Variants in FLVCR2 observed in about 807,000 individuals in gnomAD.
FLVCR2 encodes choline/ethanolamine transporter FLVCR2.
FLVCR2 carries 38 observed loss-of-function variants against 48.9 expected under a neutral mutation model. The ratio of observed to expected loss-of-function variants is 0.78; its 90% CI spans 0.60 to 1.02. The LOEUF (loss-of-function observed/expected upper bound fraction) is 1.02, where lower values mean the gene tolerates loss of function less well. Among genes scored for constraint, FLVCR2 ranks in the 50% least tolerant of loss-of-function variants. The pLI is 0.00. For synonymous variants in FLVCR2, 255 were observed against 257.0 expected (o/e 0.99, Z 0.07); for missense variants, 664 against 663.3 (o/e 1.00, Z -0.01).
chr14:75,629,813 A>T (rs1406611487), intron 3 of FLVCR2, among the ~76,000 whole-genome samples: 1 of 152,222 alleles, frequency 6.6e-6, no homozygotes, highest in Non-Finnish European at 1.5e-5. Flanking sequence ...AAGATTATTC[A>T]TGCTTCTGAA....
intron 3 of FLVCR2, among the ~76,000 whole-genome samples, chr14:75,627,434 C>A (rs1310095010): frequency 1.3e-5 from 2 of 152,168 alleles, no homozygotes; most frequent in African/African-American, 4.8e-5. Flanking sequence ...CAACAGTGGG[C>A]CTTGTGTTTT....
rs540336847 is a variant in FLVCR2 at position 75,603,358 on chromosome 14, G to T, written c.670-18721G>T. Among the ~76,000 whole-genome samples, 3 of 152,324 alleles carry T rather than the reference G, an allele frequency of 2.0e-5. No homozygotes were observed. The East Asian group carries it at 5.8e-4, about 29-fold the overall frequency. On this transcript the variant is annotated intron_variant, in intron 1 of 9. Coordinates refer to ENST00000238667, the MANE Select transcript of FLVCR2 (RefSeq NM_017791.3). ...GGAGAAGCATTAGCCAGACATCAGA[G>T]AGAAGCAGGTTTACTTTAGAGAGAC... is the stretch of plus-strand genomic sequence containing the variant.
chr14:75,622,293 C>A lies in FLVCR2; in HGVS notation c.811+73C>A, dbSNP rs531272660. 3.9e-5 allele frequency: 55 copies of A among 1,395,988 alleles called. No individual in the cohort carries two copies. The African/African-American group carries it at 7.5e-4, about 19-fold the overall frequency. The allele number at this position is 1,395,988 out of a possible 1,614,324, so 86.5% of individuals were successfully genotyped here. On this transcript the variant is annotated intron_variant, in intron 2 of 9. Transcript: ENST00000238667. ...GGAGATTCTGCTGACTTTGATGGGA[C>A]CCTTGTGAACATGCCCTGAAATACC...
intron 9 of FLVCR2, 105 bp from the exon 10 acceptor site, chr14:75,646,296 G>A (rs927810901): frequency 2.7e-5 from 21 of 777,056 alleles, no homozygotes; most frequent in African/African-American, 8.5e-5. Flanking sequence ...AGTGGCCCCC[G>A]GCTCTTGTAT....
intron 3 of FLVCR2, chr14:75,631,881 C>T: frequency 4.4e-6 from 2 of 455,276 alleles, no homozygotes; most frequent in Non-Finnish European, 8.8e-6. Context: ...TTGCTGAGAG[C>T]CTCATGATCA....
chr14:75,640,405 TTGTGTGTG>T (rs10562124), intron 6 of FLVCR2, among the ~76,000 whole-genome samples: 31 of 148,392 alleles, frequency 2.1e-4, no homozygotes, highest in Admixed American at 6.0e-4. Context: ...ATATGAGTGT[TTGTGTGTG>T]TGTGTGTGTG....
At chr14:75,596,750 C>A (rs1889030117) in intron 1 of FLVCR2, among the ~76,000 whole-genome samples, 1 of 149,412 alleles carries the variant, frequency 6.7e-6, no homozygotes, top group Admixed American at 6.7e-5. Flanking sequence ...AATAAAAAAT[C>A]TGTACTCATT....
chr14:75,583,072 G>A (rs1888652317), intron 1 of FLVCR2, among the ~76,000 whole-genome samples: 1 of 152,222 alleles, frequency 6.6e-6, no homozygotes, highest in African/African-American at 2.4e-5. Flanking sequence ...AGGCTGATGG[G>A]CATCAGGGTC....
At chr14:75,593,840 C>A (rs1298857719) in intron 1 of FLVCR2, among the ~76,000 whole-genome samples, 4 of 152,142 alleles carry the variant, frequency 2.6e-5, no homozygotes, top group Non-Finnish European at 5.9e-5. Context: ...TTGGCCACGC[C>A]CTTGGTTTTT....
At chr14:75,599,719 A>G (rs1395265836) in intron 1 of FLVCR2, among the ~76,000 whole-genome samples, 12 of 152,238 alleles carry the variant, frequency 7.9e-5, no homozygotes, top group Admixed American at 7.2e-4. Context: ...CTACAAAGCT[A>G]CAGTAATGAA....
At chr14:75,607,858 A>T (rs150667735) in intron 1 of FLVCR2, among the ~76,000 whole-genome samples, 3 of 152,276 alleles carry the variant, frequency 2.0e-5, no homozygotes, top group Non-Finnish European at 4.4e-5. Flanking sequence ...GAATCACTTG[A>T]TGCCAGGAGT....
rs1420611136 is a variant in FLVCR2, at chr14:75,647,416, A to C, written c.*944A>C. On this transcript the variant is annotated 3_prime_UTR_variant, in exon 10 of 10. Transcript: ENST00000238667. ...CTTACTCTAACCTTTGCTGAAAACT[A>C]ATCTTGATTCATTCTACTCTGAAAA... 6.6e-6 allele frequency: 1 copy of C among 152,316 alleles called. No homozygotes were observed. The highest frequency in any genetic ancestry group is 1.5e-5 in the Non-Finnish European group (1 of 68,030). 9.4% of individuals were successfully genotyped at this position (152,316 alleles called of 1,614,324 possible).
At chr14:75,579,778 A>T (rs753400018) in intron 1 of FLVCR2, 137 bp downstream of exon 1, 1 of 972,180 alleles carries the variant, frequency 1.0e-6, no homozygotes, top group Non-Finnish European at 1.6e-6. Flanking sequence ...TGTGACAGGC[A>T]GTGATTGTGA....
In FLVCR2 at chr14:75,578,832, GC is replaced by G; in HGVS notation, c.-140del. ...GTGAGCACAGGAAGCCCCACTTGAG[GC>G]TTTTACGCAGCCTCTAGTCTCTGTT... On this transcript the variant is annotated 5_prime_UTR_variant, in exon 1 of 10. Coordinates refer to ENST00000238667, the MANE Select transcript of FLVCR2 (RefSeq NM_017791.3). 1 of 792,386 alleles carries G rather than the reference GC, an allele frequency of 1.3e-6. No homozygotes were observed. The allele number at this position is 792,386 out of a possible 1,614,324, so 49.1% of individuals were successfully genotyped here.
At chr14:75,636,704 A>C (rs1412130248) in intron 5 of FLVCR2, among the ~76,000 whole-genome samples, 18 of 152,082 alleles carry the variant, frequency 1.2e-4, no homozygotes, top group Admixed American at 1.2e-3. Flanking sequence ...AGAAAAGGCA[A>C]CTCCCAGTGG....
chr14:75,613,720 T>G (rs1276211942), intron 1 of FLVCR2, among the ~76,000 whole-genome samples: 1 of 152,018 alleles, frequency 6.6e-6, no homozygotes, highest in East Asian at 1.9e-4. Flanking sequence ...CCAGCTAATT[T>G]TTGTATTTTT....
At chr14:75,599,018 G>A (rs1386968132) in intron 1 of FLVCR2, among the ~76,000 whole-genome samples, 2 of 152,150 alleles carry the variant, frequency 1.3e-5, no homozygotes, top group Non-Finnish European at 2.9e-5. Flanking sequence ...GCAAGATGGT[G>A]GACTAGAAAG....
rs1478470298 is a variant in FLVCR2 at position 75,647,964 on chromosome 14, G to A, written c.*1492G>A. The A allele has an allele frequency of 4.6e-5, 7 of 152,884 alleles. No homozygotes were observed. The highest frequency in any genetic ancestry group is 7.3e-5 in the Non-Finnish European group (5 of 68,070). 9.5% of individuals were successfully genotyped at this position (152,884 alleles called of 1,614,324 possible). A position where few individuals can be genotyped will look rare whatever the true frequency, so the allele number is the denominator to read the frequency against. ...TATGTAATAGAAGAAAGAAGTCCAC[G>A]TTTTCGGCAGAAGTAGTGAGTCAGT... On this transcript the variant is annotated 3_prime_UTR_variant, in exon 10 of 10. Transcript: ENST00000238667.
At chr14:75,626,801 C>T (rs903271066) in intron 3 of FLVCR2, among the ~76,000 whole-genome samples, 6 of 151,916 alleles carry the variant, frequency 3.9e-5, no homozygotes, top group Admixed American at 2.0e-4. Flanking sequence ...CTTTTACTTT[C>T]GCTAGAGTTG....
Sources: allele counts gnomAD v4.1 joint callset (sites outside exome capture counted in the v4.1 genomes callset), GRCh38; gene constraint gnomAD v4.1.1; transcripts MANE v1.5; gene names NCBI Gene and HGNC (gene_info 2026-07-23, HGNC 2026-07-21).